TMEM132D: variants seen among roughly 807,000 people sequenced by gnomAD.
The protein encoded by TMEM132D is mature OL transmembrane protein.
In TMEM132D, 21 loss-of-function variants were observed where a neutral mutation model predicts 62.3. The ratio of observed to expected loss-of-function variants is 0.34; its 90% CI spans 0.24 to 0.49. The LOEUF (loss-of-function observed/expected upper bound fraction) is 0.49. Ranked by LOEUF, TMEM132D falls within the 20% of genes least tolerant of loss-of-function variation. TMEM132D has a pLI of 0.99. For synonymous variants in TMEM132D, 621 were observed against 575.6 expected, an observed-to-expected ratio of 1.08 and a Z score of -1.13; for missense variants, 1,346 against 1,402.8, an observed-to-expected ratio of 0.96 and a Z score of 0.65.
intron 2 of TMEM132D, among the ~76,000 whole-genome samples, chr12:129,571,042 GC>G (rs1258890461): frequency 6.6e-6 from 1 of 152,202 alleles, no homozygotes; most frequent in Non-Finnish European, 1.5e-5. Flanking sequence ...AATCATGTTT[GC>G]TGTAATTAGA....
chr12:129,424,950 C>T (rs373949759), intron 3 of TMEM132D, among the ~76,000 whole-genome samples: 2 of 152,094 alleles, frequency 1.3e-5, no homozygotes, highest in East Asian at 3.9e-4. Flanking sequence ...CATCCCGCTC[C>T]CCACCTGCAG....
At chr12:129,484,790 A>T (rs1384733471) in intron 3 of TMEM132D, among the ~76,000 whole-genome samples, 1 of 152,260 alleles carries the variant, frequency 6.6e-6, no homozygotes, top group East Asian at 1.9e-4. Flanking sequence ...TCTTTTGTTT[A>T]TTAGAAATAA....
chr12:129,103,464 G>C (rs999409509), intron 5 of TMEM132D, among the ~76,000 whole-genome samples: 4 of 151,838 alleles, frequency 2.6e-5, no homozygotes, highest in African/African-American at 9.7e-5. Flanking sequence ...AGCTCTCCTT[G>C]GAGGGAGCCC....
intron 5 of TMEM132D, among the ~76,000 whole-genome samples, chr12:129,144,225 T>C (rs7969560): frequency 0.92 from 139,498 of 152,014 alleles, 64,213 homozygotes; most frequent in South Asian, 0.93. Flanking sequence ...ATGGAAAATA[T>C]ACACAAGGAA....
intron 2 of TMEM132D, among the ~76,000 whole-genome samples, chr12:129,661,286 T>G (rs1282671190): frequency 1.3e-5 from 2 of 152,218 alleles, no homozygotes; most frequent in African/African-American, 4.8e-5. Context: ...CTGTTACATT[T>G]TCATGGAAGT....
chr12:129,329,721 A>G (rs1429466572), intron 4 of TMEM132D, among the ~76,000 whole-genome samples: 2 of 152,156 alleles, frequency 1.3e-5, no homozygotes, highest in East Asian at 3.9e-4. Flanking sequence ...TTTACTGAGC[A>G]TCTACTATGG....
chr12:129,125,499 A>ATTTTTTTTTTTTTTTTTTTTTTTTT lies in TMEM132D; in HGVS notation c.1444-40798_1444-40797insAAAAAAAAAAAAAAAAAAAAAAAAA, dbSNP rs1565972138. On this transcript the variant is annotated intron_variant, in intron 5 of 8. Transcript: ENST00000422113. ...GATGTGACGATGTCGAATTACTATG[A>ATTTTTTTTTTTTTTTTTTTTTTTTT]GTTTTTTTTTTTTTTTTTTTTTTGA... Among the ~76,000 whole-genome samples the ATTTTTTTTTTTTTTTTTTTTTTTTT allele has an allele frequency of 1.6e-5, 2 of 127,834 alleles. 1 individual carries two copies. 83.9% of individuals were successfully genotyped at this position (127,834 alleles called of 152,430 possible). A position where few individuals can be genotyped will look rare whatever the true frequency, so the allele number is the denominator to read the frequency against.
chr12:129,152,145 G>A (rs894040679), intron 5 of TMEM132D, among the ~76,000 whole-genome samples: 17 of 152,194 alleles, frequency 1.1e-4, no homozygotes, highest in African/African-American at 4.1e-4. Context: ...GCCTCCCAAA[G>A]TGCTGGGATT....
chr12:129,246,413 A>G (rs1159429856), intron 4 of TMEM132D, among the ~76,000 whole-genome samples: 1 of 152,120 alleles, frequency 6.6e-6, no homozygotes, highest in African/African-American at 2.4e-5. Flanking sequence ...GAGAAGCTGA[A>G]CCTGACGGGA....
chr12:129,825,534 T>C (rs150914512), intron 1 of TMEM132D, among the ~76,000 whole-genome samples: 210 of 152,262 alleles, frequency 1.4e-3, no homozygotes, highest in Non-Finnish European at 2.5e-3. Context: ...CAGCCTCCCC[T>C]GCCATGCCCT....
At chr12:129,290,862 G>T (rs1245245173) in intron 4 of TMEM132D, among the ~76,000 whole-genome samples, 2 of 152,028 alleles carry the variant, frequency 1.3e-5, no homozygotes, top group Admixed American at 6.6e-5. Context: ...GTAGGGCCAG[G>T]TTCTCTATTT....
intron 1 of TMEM132D, among the ~76,000 whole-genome samples, chr12:129,812,733 A>C (rs1872222782): frequency 6.6e-6 from 1 of 151,710 alleles, no homozygotes; most frequent in African/African-American, 2.4e-5. Context: ...TTTACTCCAC[A>C]GATCACTGCT....
At chr12:129,117,733 G>A (rs1316953515) in intron 5 of TMEM132D, among the ~76,000 whole-genome samples, 1 of 152,152 alleles carries the variant, frequency 6.6e-6, no homozygotes, top group Non-Finnish European at 1.5e-5. Flanking sequence ...GTGGAAGGAA[G>A]TATACTAATA....
At chr12:129,447,711 G>T (rs1358930133) in intron 3 of TMEM132D, among the ~76,000 whole-genome samples, 1 of 152,104 alleles carries the variant, frequency 6.6e-6, no homozygotes, top group African/African-American at 2.4e-5. Context: ...AGAACACTGG[G>T]GTAGTAGTGA....
intron 1 of TMEM132D, among the ~76,000 whole-genome samples, chr12:129,871,731 T>C (rs535030535): frequency 6.6e-6 from 1 of 152,236 alleles, no homozygotes; most frequent in Non-Finnish European, 1.5e-5. Flanking sequence ...AAATTAGCCA[T>C]GTGGGCGTGA....
At chr12:129,210,157 T>A (rs186036442) in intron 4 of TMEM132D, 74 of 161,150 alleles carry the variant, frequency 4.6e-4, no homozygotes, top group Non-Finnish European at 7.3e-4. Context: ...CTAACTCAAA[T>A]AGGTCTAAAC....
chr12:129,201,938 C>T (rs1242244913), intron 5 of TMEM132D, among the ~76,000 whole-genome samples: 2 of 151,948 alleles, frequency 1.3e-5, no homozygotes, highest in Non-Finnish European at 2.9e-5. Context: ...CCCATTATTT[C>T]CAACCTCTGA....
intron 3 of TMEM132D, among the ~76,000 whole-genome samples, chr12:129,442,392 C>T (rs115751677): frequency 1.5e-3 from 234 of 152,236 alleles, no homozygotes; most frequent in African/African-American, 5.2e-3. Flanking sequence ...AATGGAGAAA[C>T]GATCCTGGAC....
chr12:129,558,043 TTACA>T (rs1168889532), intron 2 of TMEM132D, among the ~76,000 whole-genome samples: 2 of 152,136 alleles, frequency 1.3e-5, no homozygotes, highest in Non-Finnish European at 2.9e-5. Flanking sequence ...AGGAATGGGG[TTACA>T]TAGTCAGGGT....
Sources: gnomAD v4.1 joint callset for allele counts (sites outside exome capture counted in the v4.1 genomes callset) on GRCh38, gnomAD v4.1.1 for gene constraint, MANE v1.5 for transcripts, NCBI Gene and HGNC (gene_info 2026-07-23, HGNC 2026-07-21) for gene names.